The following PIMREG variants were observed in gnomAD, a reference collection of about 807,000 sequenced individuals.
The protein encoded by PIMREG is PICALM interacting mitotic regulator.
In PIMREG, 19 loss-of-function variants were observed where a neutral mutation model predicts 24.3. The observed-to-expected ratio is 0.78, with a 90% CI of 0.54 to 1.15. The LOEUF (loss-of-function observed/expected upper bound fraction) is 1.15. Among genes scored for constraint, PIMREG ranks in the 50% most tolerant of loss-of-function variants. The pLI is 0.00. For missense variants in PIMREG, 283 were observed against 306.8 expected (o/e 0.92, Z 0.58); for synonymous variants, 112 against 124.1 (o/e 0.90, Z 0.65).
Position 6,445,223 on chromosome 17 carries a change from C to T in PIMREG, c.113C>T (p.Thr38Ile). ...ELQPVVSHQE[T>I]SVGALGSLCR... ...CAGCCTGTGGTCAGCCATCAGGAGACCTCTGTAGGGGCCCTGGGGTCCCTG... is the reference window on the plus strand; with the variant it reads ...CAGCCTGTGGTCAGCCATCAGGAGATCTCTGTAGGGGCCCTGGGGTCCCTG... The change falls in exon 2 of 6, where the codon ACC becomes ATC. Residue 38 changes from threonine (T) to isoleucine (I), a missense_variant. Thr to Ile is a moderately conservative substitution (Grantham distance 89). Transcript: ENST00000572447. 1 of 1,613,740 alleles carries T rather than the reference C, an allele frequency of 6.2e-7. No individual in the cohort carries two copies. The highest frequency in any genetic ancestry group is 8.5e-7 in the Non-Finnish European group (1 of 1,179,964).
At chr17:6,446,826 G>A (rs1913589854) in intron 2 of PIMREG, among the ~76,000 whole-genome samples, 1 of 152,142 alleles carries the variant, frequency 6.6e-6, no homozygotes, top group African/African-American at 2.4e-5. Flanking sequence ...CTGTTCTTTT[G>A]GGGCCCTCTC....
intron 2 of PIMREG, among the ~76,000 whole-genome samples, chr17:6,446,910 G>A (rs981397636): frequency 6.6e-6 from 1 of 152,154 alleles, no homozygotes; most frequent in Non-Finnish European, 1.5e-5. Context: ...GCACCAGGGG[G>A]GTCCTCCTGC....
chr17:6,447,057 G>C (rs1202505673), intron 2 of PIMREG, among the ~76,000 whole-genome samples: 1 of 152,002 alleles, frequency 6.6e-6, no homozygotes, highest in African/African-American at 2.4e-5. Context: ...TGAGTGTAGG[G>C]GTTGCTTGTA....
intron 4 of PIMREG, chr17:6,449,780 T>G: frequency 7.1e-7 from 1 of 1,414,740 alleles, no homozygotes; most frequent in South Asian, 1.6e-5. Flanking sequence ...GAGTTCCTGG[T>G]CTGTCTGCTC....
At position 6,450,279 on chromosome 17, in the gene PIMREG, C is replaced by A. The variant is rs1422449199; in HGVS notation, c.*15-83C>A. 5 of 1,319,016 alleles carry A rather than the reference C, an allele frequency of 3.8e-6. No individual in the cohort carries two copies. The East Asian group carries it at 1.0e-4, about 27-fold the overall frequency. 81.7% of individuals were successfully genotyped at this position (1,319,016 alleles called of 1,614,324 possible). ...AAGTAGCTACAGCCACCTTCCAGCA[C>A]CCCCCACCCCGCAGTGAGCAGGGAA... On this transcript the variant is annotated intron_variant, in intron 5 of 5. Coordinates refer to ENST00000572447, the MANE Select transcript of PIMREG (RefSeq NM_019013.3).
intron 2 of PIMREG, 68 bp downstream of exon 2, chr17:6,445,472 C>CA (rs1913538371): frequency 1.3e-5 from 20 of 1,483,798 alleles, no homozygotes; most frequent in Non-Finnish European, 1.8e-5. Context: ...TTCCTGCCCT[C>CA]AAAGAGCCTC....
intron 3 of PIMREG, among the ~76,000 whole-genome samples, chr17:6,448,301 A>AAAAG (rs1259419657): frequency 6.7e-6 from 1 of 149,210 alleles, no homozygotes; most frequent in African/African-American, 2.5e-5. Flanking sequence ...AAAAAAAAAA[A>AAAAG]AGAGAGAGAG....
chr17:6,445,428 CT>C, intron 2 of PIMREG, 24 bp downstream of exon 2: 1 of 1,580,754 alleles, frequency 6.3e-7, no homozygotes, highest in Non-Finnish European at 8.6e-7. Context: ...CACTAATCAT[CT>C]TTTTTATGGA....
At chr17:6,447,105 TTTTTG>T (rs1411696596) in intron 2 of PIMREG, among the ~76,000 whole-genome samples, 7 of 97,984 alleles carry the variant, frequency 7.1e-5, no homozygotes, top group East Asian at 2.5e-4. Flanking sequence ...TTGGTTTTTT[TTTTTG>T]TTGTTGTTTG....
Position 6,450,555 on chromosome 17 carries a change from G to T in PIMREG, c.*208G>T, listed in dbSNP as rs1913791454. 1 of 624,068 alleles carries T rather than the reference G, an allele frequency of 1.6e-6. No homozygotes were observed. Among genetic ancestry groups the T allele is most frequent in the Non-Finnish European group, 2.7e-6 (1 of 372,322 alleles). 38.7% of individuals were successfully genotyped at this position (624,068 alleles called of 1,614,324 possible). ...AGTGACTGCCTGCCATAGCCTGAGAGTGTCTTGGGGAGACCTTGCAGAGGG... is the reference window on the plus strand; with the variant it reads ...AGTGACTGCCTGCCATAGCCTGAGATTGTCTTGGGGAGACCTTGCAGAGGG... On this transcript the variant is annotated 3_prime_UTR_variant, in exon 6 of 6. Coordinates refer to ENST00000572447, the MANE Select transcript of PIMREG (RefSeq NM_019013.3).
chr17:6,448,188 C>T (rs1913657626), intron 3 of PIMREG, among the ~76,000 whole-genome samples: 1 of 147,102 alleles, frequency 6.8e-6, no homozygotes, highest in Admixed American at 6.9e-5. Flanking sequence ...GAGGTTGAGG[C>T]AGGAGAATCG....
intron 3 of PIMREG, among the ~76,000 whole-genome samples, chr17:6,448,282 C>CAAAAAAAAAAA (rs71154695): frequency 0.031 from 1,260 of 41,058 alleles, 196 homozygotes; most frequent in African/African-American, 0.049. Context: ...GACCCTGTCT[C>CAAAAAAAAAAA]AAAAAAAAAA....
chr17:6,447,529 CG>C lies in PIMREG; in HGVS notation c.363del (p.Lys122ArgfsTer15). The C allele has an allele frequency of 6.2e-7, 1 of 1,614,124 alleles. No homozygotes were observed. The highest frequency in any genetic ancestry group is 8.5e-7 in the Non-Finnish European group (1 of 1,179,986). ...LVETQVKARRRKRGAQKGSGS... is the reference protein window; with the variant it reads ...LVETQVKARRXKRGAQKGSGS... ...GGAGACCCAGGTGAAGGCCAGGAGG[CG>C]GAAGAGAGGAGCACAGAAGGGCAGT... On this transcript the variant is annotated frameshift_variant, in exon 3 of 6. Transcript: ENST00000572447. LOFTEE classifies it high-confidence loss of function.
rs1913505693 is a variant in PIMREG, at chr17:6,444,725, T to C, written c.-36+237T>C. Among the ~76,000 whole-genome samples, 1 of 151,982 alleles carries C rather than the reference T, an allele frequency of 6.6e-6. No homozygotes were observed. On this transcript the variant is annotated intron_variant, in intron 1 of 5. Coordinates refer to ENST00000572447, the MANE Select transcript of PIMREG (RefSeq NM_019013.3). This position sits in a 1 kb window ranked among gnomAD's most constrained non-coding sequence, Gnocchi z 4.3. ...GGGGTCTGGGCGGGTGCGCGTTTGG[T>C]CTGGGCGAGCTGGTGAAGAAGATGG...
At chr17:6,448,301 A>AAAAAAAAAAAAAAAAAAAAAAG (rs1259419657) in intron 3 of PIMREG, among the ~76,000 whole-genome samples, 2 of 149,218 alleles carry the variant, frequency 1.3e-5, no homozygotes. Context: ...AAAAAAAAAA[A>AAAAAAAAAAAAAAAAAAAAAAG]AGAGAGAGAG....
At chr17:6,446,424 G>T (rs56264766) in intron 2 of PIMREG, among the ~76,000 whole-genome samples, 50,888 of 152,068 alleles carry the variant, frequency 0.33, 9,569 homozygotes, top group Non-Finnish European at 0.43. Context: ...CCAAATGTTA[G>T]TCCTTATTTG....
chr17:6,446,650 G>T (rs1486658148), intron 2 of PIMREG, among the ~76,000 whole-genome samples: 1 of 152,172 alleles, frequency 6.6e-6, no homozygotes, highest in Non-Finnish European at 1.5e-5. Context: ...TGGTCCTATG[G>T]GCAACAAGAA....
rs570914262 is a variant in PIMREG, at chr17:6,447,408, G to A, written c.295-55G>A. 1.9e-5 allele frequency: 30 copies of A among 1,572,684 alleles called. No individual in the cohort carries two copies. The African/African-American group carries it at 2.7e-4, about 14-fold the overall frequency. ...TGGGATTATAGGCGTGAGCCACCGCGCCCGGCCTAACTTTTGGTTTTGTCT... is the reference window on the plus strand; with the variant it reads ...TGGGATTATAGGCGTGAGCCACCGCACCCGGCCTAACTTTTGGTTTTGTCT... On this transcript the variant is annotated intron_variant, in intron 2 of 5. Coordinates refer to ENST00000572447, the MANE Select transcript of PIMREG (RefSeq NM_019013.3).
chr17:6,450,669 T>G lies in PIMREG; in HGVS notation c.*322T>G. 1 of 464,152 alleles carries G rather than the reference T, an allele frequency of 2.2e-6. No individual in the cohort carries two copies. The highest frequency in any genetic ancestry group is 5.6e-4 in the Middle Eastern group (1 of 1,772). The allele number at this position is 464,152 out of a possible 1,614,324, so 28.8% of individuals were successfully genotyped here. A position where few individuals can be genotyped will look rare whatever the true frequency, so the allele number is the denominator to read the frequency against. Reference sequence around the variant, plus strand: ...CCTTGAGCCTTCTATTTGCCTCATCTATAACATGAAGTGCTAGCATCAGAT... The same window carrying G: ...CCTTGAGCCTTCTATTTGCCTCATCGATAACATGAAGTGCTAGCATCAGAT... On this transcript the variant is annotated 3_prime_UTR_variant, in exon 6 of 6. Coordinates refer to ENST00000572447, the MANE Select transcript of PIMREG (RefSeq NM_019013.3).
Sources: gnomAD v4.1 joint callset for allele counts (sites outside exome capture counted in the v4.1 genomes callset) on GRCh38, gnomAD v4.1.1 for gene constraint, Gnocchi (gnomAD v3.1) non-coding constraint, MANE v1.5 for transcripts, NCBI Gene and HGNC (gene_info 2026-07-23, HGNC 2026-07-21) for gene names.